DNHD1: variants seen among roughly 807,000 people sequenced by gnomAD.
The protein encoded by DNHD1 is dynein heavy chain domain-containing protein 1.
Under a neutral mutation model 458.1 loss-of-function variants are expected in DNHD1, and 383 were observed. The ratio of observed to expected loss-of-function variants is 0.84; its 90% CI spans 0.77 to 0.91. DNHD1 has a LOEUF of 0.91. Ranked by LOEUF, DNHD1 falls within the 40% of genes least tolerant of loss-of-function variation. The pLI, the probability that DNHD1 is intolerant of heterozygous loss-of-function variation, is 0.00. For missense variants in DNHD1, 5,336 were observed against 5,866.1 expected, an observed-to-expected ratio of 0.91 and a Z score of 2.95; for synonymous variants, 2,203 against 2,376.9, an observed-to-expected ratio of 0.93 and a Z score of 2.13.
At chr11:6,569,810 G>A (rs755962026) in intron 39 of DNHD1, among the ~76,000 whole-genome samples, 199 bp from the exon 40 acceptor site, 8 of 152,122 alleles carry the variant, frequency 5.3e-5, no homozygotes, top group African/African-American at 9.7e-5. Context: ...GGTGGCTGGC[G>A]GTACCTCTCA....
chr11:6,522,985 T>G (rs1379130795), intron 10 of DNHD1, among the ~76,000 whole-genome samples: 1 of 152,236 alleles, frequency 6.6e-6, no homozygotes, highest in Non-Finnish European at 1.5e-5. Context: ...CTATTTGATG[T>G]CCTTACAATT....
intron 10 of DNHD1, 86 bp downstream of exon 10, chr11:6,520,375 G>C (rs941927445): frequency 6.5e-7 from 1 of 1,548,724 alleles, no homozygotes; most frequent in African/African-American, 1.4e-5. Flanking sequence ...AAGGCAGGAG[G>C]TCCAGGCTAT....
chr11:6,535,359 C>G (rs969505764), intron 14 of DNHD1, among the ~76,000 whole-genome samples: 2 of 152,076 alleles, frequency 1.3e-5, no homozygotes, highest in South Asian at 4.1e-4. Context: ...GCAAAGAAAC[C>G]CCAGTAGCAA....
intron 16 of DNHD1, 95 bp downstream of exon 16, chr11:6,538,905 C>G: frequency 4.8e-6 from 6 of 1,258,596 alleles, no homozygotes; most frequent in Non-Finnish European, 6.5e-6. Flanking sequence ...GCTGGAAACA[C>G]CTTTCATCCC....
In DNHD1 at chr11:6,520,052, A is replaced by T; in HGVS notation, c.1735A>T (p.Ile579Phe). The change falls in exon 9 of 43, where the codon ATC becomes TTC. Residue 579 changes from isoleucine (I) to phenylalanine (F), a missense_variant. Physicochemically the swap from Ile to Phe is conservative, Grantham distance 21. Transcript: ENST00000254579. ...TCATGTGCCCTGTGTTGAAAATATG[A>T]TCCAGACTCTAACTGGAGGCCTACA... is the stretch of plus-strand genomic sequence containing the variant. ...LSHVPCVENM[I>F]QTLTGGLQSV... is the part of the protein sequence containing the mutation. 1 of 1,614,142 alleles carries T rather than the reference A, an allele frequency of 6.2e-7. No homozygotes were observed.
rs1236860977 is a variant in DNHD1, at chr11:6,571,750, A to G, written c.14026A>G (p.Ser4676Gly). The change falls in exon 43 of 43, where the codon AGC becomes GGC. Residue 4676 changes from serine (S) to glycine (G), a missense_variant. By Grantham distance (56) the Ser-to-Gly change is moderately conservative (BLOSUM62 0). Transcript: ENST00000254579. The surrounding 1 kb of genome is among the most constrained non-coding windows in gnomAD (Gnocchi z 5.0). The stretch of plus-strand genomic sequence containing the variant: ...TGGAGCCTTGCAGGACAGTCCTTCC[A>G]GCCAACCCAGCCCTCTGCCTCCCGT... Reference protein sequence around the residue: ...IAGALQDSPSSQPSPLPPVSI... With the variant: ...IAGALQDSPSGQPSPLPPVSI... 2.5e-6 allele frequency: 4 copies of G among 1,613,444 alleles called. No homozygotes were observed. The highest frequency in any genetic ancestry group is 3.4e-6 in the Non-Finnish European group (4 of 1,179,646).
chr11:6,558,965 T>C lies in DNHD1; in HGVS notation c.9275T>C (p.Ile3092Thr), dbSNP rs1337590872. The C allele has an allele frequency of 4.5e-6, 7 of 1,551,728 alleles. No individual in the cohort carries two copies. Among genetic ancestry groups the C allele is most frequent in the Middle Eastern group, 1.7e-4 (1 of 5,992 alleles). Residue 3092 changes from isoleucine to threonine, a missense_variant, in exon 27 of 43, where the codon ATC becomes ACC. By Grantham distance (89) the Ile-to-Thr change is moderately conservative. Around this residue, in one of 4 missense-constraint regions of DNHD1, gnomAD observed 3,932 missense variants for 4,365.6 expected, o/e 0.90. Transcript: ENST00000254579. ...IPSVAKAMAL[I>T]HLSATHYHEH... ...AGTGTGGCCAAAGCCATGGCTCTTATCCACCTTTCGGCCACCCACTACCAT... is the reference window on the plus strand; with the variant it reads ...AGTGTGGCCAAAGCCATGGCTCTTACCCACCTTTCGGCCACCCACTACCAT...
At chr11:6,541,598 G>A (rs1030987502) in intron 18 of DNHD1, among the ~76,000 whole-genome samples, 1 of 152,174 alleles carries the variant, frequency 6.6e-6, no homozygotes, top group Admixed American at 6.5e-5. Flanking sequence ...TGGAGGAGGG[G>A]ATGGAGCAGA....
chr11:6,500,124 T>C (rs2555157), intron 3 of DNHD1, among the ~76,000 whole-genome samples: 86,325 of 151,992 alleles, frequency 0.57, 25,693 homozygotes, highest in African/African-American at 0.73. Flanking sequence ...GCCACCACGC[T>C]CAGCTGATTT....
intron 6 of DNHD1, among the ~76,000 whole-genome samples, chr11:6,510,232 C>A (rs369452858): frequency 6.6e-6 from 1 of 151,832 alleles, no homozygotes; most frequent in Non-Finnish European, 1.5e-5. Flanking sequence ...TACAGGCATG[C>A]ACCACCACAC....
chr11:6,500,218 G>A (rs1852107312), intron 3 of DNHD1, among the ~76,000 whole-genome samples: 2 of 151,794 alleles, frequency 1.3e-5, no homozygotes, highest in Admixed American at 1.3e-4. Flanking sequence ...TGCTCACCTC[G>A]GCCTCCCAAA....
intron 18 of DNHD1, among the ~76,000 whole-genome samples, chr11:6,541,158 T>C (rs1213914979): frequency 6.6e-6 from 1 of 152,218 alleles, no homozygotes; most frequent in Admixed American, 6.5e-5. Context: ...GTATGGGAGT[T>C]ACATAGAAGA....
chr11:6,533,398 T>G (rs1050745420), intron 13 of DNHD1, among the ~76,000 whole-genome samples: 3 of 152,088 alleles, frequency 2.0e-5, no homozygotes, highest in African/African-American at 7.2e-5. Flanking sequence ...GATGAGAGAG[T>G]TGTGCTCTCT....
chr11:6,560,877 C>T (rs1272428909), intron 28 of DNHD1, among the ~76,000 whole-genome samples: 2 of 152,158 alleles, frequency 1.3e-5, no homozygotes, highest in South Asian at 4.1e-4. Flanking sequence ...TTTGTTCAGG[C>T]ATTTCTTAAT....
At chr11:6,534,703 C>T (rs978269562) in intron 14 of DNHD1, among the ~76,000 whole-genome samples, 14 of 152,094 alleles carry the variant, frequency 9.2e-5, no homozygotes, top group Non-Finnish European at 1.9e-4. Flanking sequence ...AAGCTGGTTC[C>T]CTTCTGTTCT....
At chr11:6,516,354 C>T (rs113356807) in intron 7 of DNHD1, among the ~76,000 whole-genome samples, 221 of 142,240 alleles carry the variant, frequency 1.6e-3, no homozygotes, top group African/African-American at 5.7e-3. Context: ...AGTGTAGTGG[C>T]GCAATCTTGG....
chr11:6,546,548 T>C lies in DNHD1; in HGVS notation c.5609T>C (p.Leu1870Pro). ...GAGCGTGAGCTGGTGTCTGGGCCCC[T>C]GCCCTGCCGCCTGCCACTGCTCAAG... ...SLERELVSGP[L>P]PCRLPLLKQI... The change falls in exon 21 of 43, where the codon CTG becomes CCG. Residue 1870 changes from leucine to proline, a missense_variant. Coordinates refer to ENST00000254579, the MANE Select transcript of DNHD1 (RefSeq NM_144666.3). The C allele has an allele frequency of 3.2e-6, 5 of 1,551,510 alleles. No homozygotes were observed. Among genetic ancestry groups the C allele is most frequent in the Non-Finnish European group, 4.4e-6 (5 of 1,146,948 alleles).
chr11:6,546,054 C>A lies in DNHD1; in HGVS notation c.5115C>A (p.Gly1705=). The A allele has an allele frequency of 6.4e-7, 1 of 1,551,332 alleles. No individual in the cohort carries two copies. Among genetic ancestry groups the A allele is most frequent in the Non-Finnish European group, 8.7e-7 (1 of 1,146,692 alleles). Residue 1705 remains glycine, a synonymous_variant, in exon 21 of 43, where the codon GGC becomes GGA. Transcript: ENST00000254579. ...AIVNSLAQAL[G]RQLVMLPCSP... ...TGAACAGCCTGGCACAGGCCCTGGG[C>A]CGCCAGCTGGTGATGCTACCCTGCT...
rs983108816 is a variant in DNHD1, at chr11:6,508,120, AAATT to A, written c.921-756_921-753del. 9.9e-5 allele frequency: 15 copies of A among 152,112 alleles called. 1 individual carries two copies. Among genetic ancestry groups the A allele is most frequent in the South Asian group, 2.1e-4 (1 of 4,832 alleles). The allele number at this position is 152,112 out of a possible 1,614,324, so 9.4% of individuals were successfully genotyped here. On this transcript the variant is annotated intron_variant, in intron 4 of 42. Coordinates refer to ENST00000254579, the MANE Select transcript of DNHD1 (RefSeq NM_144666.3). ...TTATATAAAGAAAACTGAAAAATAA[AAATT>A]AATAAATGCTTTATTAAATGTATCT...
Sources: allele counts gnomAD v4.1 joint callset (sites outside exome capture counted in the v4.1 genomes callset), GRCh38; gene constraint gnomAD v4.1.1; regional missense constraint gnomAD v4.1.1; non-coding constraint Gnocchi (gnomAD v3.1); transcripts MANE v1.5; gene names NCBI Gene and HGNC (gene_info 2026-07-23, HGNC 2026-07-21).